Variants in RPH3AL observed in about 807,000 individuals in gnomAD.
The protein encoded by RPH3AL is rabphilin 3A like (without C2 domains).
In RPH3AL, 38 loss-of-function variants were observed where a neutral mutation model predicts 43.1. The ratio of observed to expected loss-of-function variants is 0.88; its 90% CI spans 0.68 to 1.15. The LOEUF (loss-of-function observed/expected upper bound fraction) is 1.15, where lower values mean the gene tolerates loss of function less well. Among genes scored for constraint, RPH3AL ranks in the 50% most tolerant of loss-of-function variants. RPH3AL has a pLI of 0.00. For missense variants in RPH3AL, 462 were observed against 423.2 expected (o/e 1.09, Z -0.81); for synonymous variants, 189 against 176.3 (o/e 1.07, Z -0.57).
Position 321,374 on chromosome 17 carries a change from T to C in RPH3AL, c.119A>G (p.Lys40Arg), listed in dbSNP as rs142722675. ...GCTGAGGTGCTGCTTCCTCCTCTGC[T>C]TCTCCGTCTGGTAGGTGTGCACGGA... Reference protein sequence around the residue: ...GWSVHTYQTEKQRRKQHLSPA... With the variant: ...GWSVHTYQTERQRRKQHLSPA... Residue 40 changes from lysine (K) to arginine (R), a missense_variant, in exon 4 of 10, where the codon AAG (lysine) becomes AGG (arginine). Coordinates refer to ENST00000331302, the MANE Select transcript of RPH3AL (RefSeq NM_006987.4). The C allele has an allele frequency of 5.2e-5, 83 of 1,611,404 alleles. 1 individual carries two copies. In the Middle Eastern group the frequency reaches 8.3e-4, roughly 16 times the overall value.
chr17:277,979 A>C (rs758248659), intron 6 of RPH3AL, among the ~76,000 whole-genome samples: 7 of 151,792 alleles, frequency 4.6e-5, no homozygotes, highest in South Asian at 2.1e-4. Context: ...AATAAAAAAA[A>C]CCCCGAAACC....
At chr17:242,847 T>A (rs77302314) in intron 7 of RPH3AL, among the ~76,000 whole-genome samples, 1 of 127,066 alleles carries the variant, frequency 7.9e-6, no homozygotes, top group Non-Finnish European at 1.7e-5. Flanking sequence ...CCTCTATTGA[T>A]TACCTTCCTC....
chr17:318,748 C>T (rs927489315), intron 5 of RPH3AL, among the ~76,000 whole-genome samples: 7 of 152,098 alleles, frequency 4.6e-5, no homozygotes, highest in South Asian at 2.1e-4. Context: ...AGACTCAATG[C>T]GAAACAATTT....
At chr17:313,247 A>C (rs1213402033) in intron 5 of RPH3AL, among the ~76,000 whole-genome samples, 1 of 152,108 alleles carries the variant, frequency 6.6e-6, no homozygotes, top group Non-Finnish European at 1.5e-5. Context: ...GACGGCCATC[A>C]CCACCTGTCT....
chr17:342,245 C>T (rs182816769), intron 1 of RPH3AL, among the ~76,000 whole-genome samples: 2 of 152,330 alleles, frequency 1.3e-5, no homozygotes, highest in South Asian at 2.1e-4. Flanking sequence ...AACTGGAACA[C>T]TTGTATCTTG....
intron 6 of RPH3AL, among the ~76,000 whole-genome samples, chr17:271,290 T>A (rs1419794300): frequency 6.6e-6 from 1 of 152,182 alleles, no homozygotes; most frequent in African/African-American, 2.4e-5. Context: ...AACTTTAAAG[T>A]AGTTTTTTCC....
At chr17:316,443 C>G (rs2044194635) in intron 5 of RPH3AL, among the ~76,000 whole-genome samples, 2 of 151,058 alleles carry the variant, frequency 1.3e-5, no homozygotes, top group Non-Finnish European at 1.5e-5. Context: ...CCTGTAGTCT[C>G]TGTGCTCCAC....
intron 7 of RPH3AL, among the ~76,000 whole-genome samples, chr17:228,128 G>A (rs1217614507): frequency 1.3e-5 from 2 of 152,206 alleles, no homozygotes; most frequent in South Asian, 2.1e-4. Context: ...TGGGGTGGGG[G>A]AGTCACCGGC....
In RPH3AL at chr17:246,180, G is replaced by T. The variant is rs763217020; in HGVS notation, c.613+931C>A. 6.6e-6 allele frequency among the ~76,000 whole-genome samples: 1 copy of T among 152,156 alleles called. No homozygotes were observed. The highest frequency in any genetic ancestry group is 1.5e-5 in the Non-Finnish European group (1 of 68,018). The stretch of plus-strand genomic sequence containing the variant: ...GATGGTCAGATGTCAGGTCACAACC[G>T]AAGACCAGGATGTCGCAAAGCCCCT... On this transcript the variant is annotated intron_variant, in intron 7 of 9. Transcript: ENST00000331302. This position sits in a 1 kb window ranked among gnomAD's most constrained non-coding sequence, Gnocchi z 4.8.
intron 6 of RPH3AL, among the ~76,000 whole-genome samples, chr17:251,748 GGGGT>G: frequency 6.6e-6 from 1 of 152,224 alleles, no homozygotes; most frequent in Admixed American, 6.5e-5. Flanking sequence ...CGGGGGCCAT[GGGGT>G]GCCAGCCAAG....
At chr17:221,411 G>T (rs1555530958) in intron 7 of RPH3AL, among the ~76,000 whole-genome samples, 3 of 136,444 alleles carry the variant, frequency 2.2e-5, no homozygotes, top group Non-Finnish European at 4.6e-5. Context: ...CAGCTCTGAG[G>T]CCTCCACTCA....
At chr17:250,792 T>C (rs1328616972) in intron 6 of RPH3AL, among the ~76,000 whole-genome samples, 2 of 149,026 alleles carry the variant, frequency 1.3e-5, no homozygotes, top group African/African-American at 2.5e-5. Context: ...TCAGAGCCTT[T>C]ACTAAACTCC....
intron 3 of RPH3AL, among the ~76,000 whole-genome samples, chr17:326,877 A>G (rs2151708111): frequency 6.6e-6 from 1 of 152,200 alleles, no homozygotes; most frequent in South Asian, 2.1e-4. Context: ...GAAAGCCAGG[A>G]CCCCCAAGGG....
intron 1 of RPH3AL, among the ~76,000 whole-genome samples, chr17:334,237 C>T (rs1317229729): frequency 6.6e-6 from 1 of 152,246 alleles, no homozygotes; most frequent in East Asian, 1.9e-4. Flanking sequence ...CGCGGCTCGA[C>T]CCTGACCTTC....
At position 245,351 on chromosome 17, in the gene RPH3AL, ATGTGGATGTCAGTGTGTGTG is replaced by A. The variant is rs2041734880; in HGVS notation, c.613+1740_613+1759del. ...TGTGTGTGTGTGGATGTGAGTGTGT[ATGTGGATGTCAGTGTGTGTG>A]TGTGGATGTCAGTGTGTGTGTGGAT... On this transcript the variant is annotated intron_variant, in intron 7 of 9. Coordinates refer to ENST00000331302, the MANE Select transcript of RPH3AL (RefSeq NM_006987.4). The surrounding 1 kb of genome is among the most constrained non-coding windows in gnomAD (Gnocchi z 5.9). 1.7e-5 allele frequency among the ~76,000 whole-genome samples: 2 copies of A among 120,454 alleles called. No individual in the cohort carries two copies. Among genetic ancestry groups the A allele is most frequent in the Admixed American group, 8.3e-5 (1 of 12,066 alleles). 79.0% of individuals were successfully genotyped at this position (120,454 alleles called of 152,430 possible).
Position 264,936 on chromosome 17 carries a change from A to G in RPH3AL, c.438+16832T>C, listed in dbSNP as rs926781056. On this transcript the variant is annotated intron_variant, in intron 6 of 9. Transcript: ENST00000331302. The surrounding 1 kb of genome is among the most constrained non-coding windows in gnomAD (Gnocchi z 4.8). Reference sequence around the variant, plus strand: ...ACATAACTGCAAAACATGAAAATGTATAAGAAATTATGCTTTGAAAGTAGA... The same window carrying G: ...ACATAACTGCAAAACATGAAAATGTGTAAGAAATTATGCTTTGAAAGTAGA... Among the ~76,000 whole-genome samples the G allele has an allele frequency of 4.6e-5, 7 of 152,252 alleles. No individual in the cohort carries two copies. Among genetic ancestry groups the G allele is most frequent in the Non-Finnish European group, 1.0e-4 (7 of 68,040 alleles).
chr17:268,564 T>G (rs1366672228), intron 6 of RPH3AL, among the ~76,000 whole-genome samples: 1 of 134,336 alleles, frequency 7.4e-6, no homozygotes, highest in African/African-American at 2.8e-5. Flanking sequence ...TTTTTTTTTT[T>G]TTTTTTTTTT....
intron 5 of RPH3AL, among the ~76,000 whole-genome samples, chr17:284,886 TAC>T (rs2151611412): frequency 6.6e-6 from 1 of 152,224 alleles, no homozygotes; most frequent in South Asian, 2.1e-4. Context: ...CTTCCTGGCG[TAC>T]AGACGGCAGC....
chr17:319,620 C>A, intron 4 of RPH3AL, 71 bp from the exon 5 acceptor site: 4 of 1,568,752 alleles, frequency 2.5e-6, no homozygotes, highest in Non-Finnish European at 3.5e-6. Context: ...AGGCCCGAAA[C>A]CGTACCATGC....
Sources: gnomAD v4.1 joint callset for allele counts (sites outside exome capture counted in the v4.1 genomes callset) on GRCh38, gnomAD v4.1.1 for gene constraint, Gnocchi (gnomAD v3.1) non-coding constraint, MANE v1.5 for transcripts, NCBI Gene and HGNC (gene_info 2026-07-23, HGNC 2026-07-21) for gene names.